AOX1: variants seen among roughly 807,000 people sequenced by gnomAD.
AOX1 encodes aldehyde oxidase 1, also known as aldehyde oxidase.
In AOX1, 153 loss-of-function variants were observed where a neutral mutation model predicts 169.5. The ratio of observed to expected loss-of-function variants is 0.90; its 90% CI spans 0.79 to 1.03. AOX1 has a LOEUF of 1.03. Ranked by LOEUF, AOX1 falls within the 50% of genes least tolerant of loss-of-function variation. The pLI is 0.00. For missense variants in AOX1, 1,656 were observed against 1,663.9 expected, an observed-to-expected ratio of 1.00 and a Z score of 0.08; for synonymous variants, 562 against 581.9, an observed-to-expected ratio of 0.97 and a Z score of 0.49.
intron 19 of AOX1, among the ~76,000 whole-genome samples, chr2:200,626,939 G>A (rs943820696): frequency 3.3e-5 from 5 of 152,202 alleles, no homozygotes; most frequent in African/African-American, 1.2e-4. Flanking sequence ...GAAGTGATAG[G>A]CCCACAGTCA....
intron 21 of AOX1, 78 bp from the exon 22 acceptor site, chr2:200,636,833 A>G: frequency 6.6e-7 from 1 of 1,509,244 alleles, no homozygotes; most frequent in Non-Finnish European, 9.0e-7. Context: ...TGTTAAAATC[A>G]TAGATGTGAC....
downstream of AOX1, among the ~76,000 whole-genome samples, chr2:200,674,818 C>CG (rs1292065485): frequency 6.6e-6 from 1 of 152,196 alleles, no homozygotes; most frequent in African/African-American, 2.4e-5. Flanking sequence ...ATTGACTACA[C>CG]TGAACCCTTT....
chr2:200,592,752 T>G (rs1435830664), intron 1 of AOX1, among the ~76,000 whole-genome samples: 2 of 152,192 alleles, frequency 1.3e-5, no homozygotes, highest in African/African-American at 4.8e-5. Flanking sequence ...CAGAGGCTAT[T>G]CTATTCCAGC....
At chr2:200,651,261 G>T (rs759381800) in intron 26 of AOX1, 60 bp downstream of exon 26, 102 of 1,479,652 alleles carry the variant, frequency 6.9e-5, no homozygotes, top group Admixed American at 1.9e-4. Flanking sequence ...AAAGCAAGAG[G>T]TGTTGAGGAA....
chr2:200,604,977 G>A, intron 9 of AOX1, 137 bp downstream of exon 9: 1 of 770,700 alleles, frequency 1.3e-6, no homozygotes, highest in Non-Finnish European at 2.1e-6. Context: ...AATCATTTGA[G>A]CTAGACTTCC....
chr2:200,656,287 G>A (rs1036217958), intron 26 of AOX1, among the ~76,000 whole-genome samples: 9 of 146,840 alleles, frequency 6.1e-5, no homozygotes, highest in Admixed American at 4.8e-4. Context: ...AGGCAGATAC[G>A]CAAGAAGGCA....
intron 25 of AOX1, among the ~76,000 whole-genome samples, chr2:200,645,953 T>G (rs969155369): frequency 6.6e-6 from 1 of 152,148 alleles, no homozygotes; most frequent in Admixed American, 6.5e-5. Flanking sequence ...TTTGGATTTT[T>G]ACTCTTCTTT....
At chr2:200,675,240 G>A (rs914944077), downstream of AOX1, among the ~76,000 whole-genome samples, 11 of 152,130 alleles carry the variant, frequency 7.2e-5, no homozygotes, top group Admixed American at 3.9e-4. Context: ...GGATAGCTGG[G>A]CATTTATAAC....
downstream of AOX1, among the ~76,000 whole-genome samples, chr2:200,674,823 C>T (rs1467100660): frequency 5.9e-5 from 9 of 152,208 alleles, no homozygotes; most frequent in Non-Finnish European, 1.0e-4. Context: ...CTACACTGAA[C>T]CCTTTCCATT....
Position 200,609,019 on chromosome 2 carries a change from G to C in AOX1, c.943G>C (p.Val315Leu). The change falls in exon 11 of 35, where the codon GTG becomes CTG. Residue 315 changes from valine to leucine, a missense_variant. Physicochemically the swap from Val to Leu is conservative, Grantham distance 32 (BLOSUM62 1). Coordinates refer to ENST00000374700, the MANE Select transcript of AOX1 (RefSeq NM_001159.4). ...TLGAGLSLAQVKDILADVVQK... is the reference protein window; with the variant it reads ...TLGAGLSLAQLKDILADVVQK... ...TGGTGCTGGTCTCAGCCTAGCCCAG[G>C]TGAAGGACATTTTGGCTGATGTAGT... The C allele has an allele frequency of 1.2e-6, 2 of 1,614,074 alleles. No homozygotes were observed. The highest frequency in any genetic ancestry group is 2.2e-5 in the South Asian group (2 of 91,080).
chr2:200,587,138 CAA>C (rs370741447), intron 1 of AOX1, among the ~76,000 whole-genome samples: 1 of 150,178 alleles, frequency 6.7e-6, no homozygotes, highest in African/African-American at 2.5e-5. Flanking sequence ...ACAACAACAA[CAA>C]AAAAAAACCG....
At chr2:200,643,398 C>CACACATAT (rs142362161) in intron 25 of AOX1, among the ~76,000 whole-genome samples, 9 of 148,794 alleles carry the variant, frequency 6.0e-5, no homozygotes, top group African/African-American at 2.2e-4. Context: ...CACACACACA[C>CACACATAT]ATATATATAT....
chr2:200,586,949 C>G (rs1015546554), intron 1 of AOX1, among the ~76,000 whole-genome samples: 2 of 152,150 alleles, frequency 1.3e-5, no homozygotes, highest in East Asian at 3.9e-4. Flanking sequence ...TGACATTACT[C>G]TGAAGGAGGA....
intron 26 of AOX1, among the ~76,000 whole-genome samples, chr2:200,655,962 T>C (rs1008773176): frequency 2.6e-5 from 4 of 152,240 alleles, no homozygotes; most frequent in Admixed American, 1.3e-4. Flanking sequence ...TAAGTTGACA[T>C]TGGCTTATTA....
Position 200,642,727 on chromosome 2 carries a change from T to C in AOX1, c.2773T>C (p.Phe925Leu), listed in dbSNP as rs777649675. The C allele has an allele frequency of 6.2e-7, 1 of 1,614,138 alleles. No individual in the cohort carries two copies. Among genetic ancestry groups the C allele is most frequent in the Non-Finnish European group, 8.5e-7 (1 of 1,180,002 alleles). ...PSNTAFRGFG[F>L]PQAALITESC... is the part of the protein sequence containing the mutation. ...CAACACAGCTTTTCGTGGGTTTGGC[T>C]TTCCTCAGGCAGCGCTGATCACCGA... Residue 925 changes from phenylalanine (F) to leucine (L), a missense_variant, in exon 25 of 35, where the codon TTT becomes CTT. Transcript: ENST00000374700.
intron 19 of AOX1, among the ~76,000 whole-genome samples, chr2:200,624,295 A>G (rs916401585): frequency 1.3e-5 from 2 of 152,154 alleles, no homozygotes; most frequent in African/African-American, 4.8e-5. Flanking sequence ...TCTAAGCACA[A>G]ATCCTGAGAT....
At position 200,615,622 on chromosome 2, in the gene AOX1, A is replaced by G. The variant is rs538969187; in HGVS notation, c.1612-349A>G. Among the ~76,000 whole-genome samples, 87 of 152,098 alleles carry G rather than the reference A, an allele frequency of 5.7e-4. 1 individual carries two copies. The highest frequency in any genetic ancestry group is 1.9e-3 in the African/African-American group (79 of 41,494). On this transcript the variant is annotated intron_variant, in intron 15 of 34. Transcript: ENST00000374700. ...TGGCTTAAGTATTTTCTTCCTTTCTATTTTATTTACTTAGCTTCTATCTTC... is the reference window on the plus strand; with the variant it reads ...TGGCTTAAGTATTTTCTTCCTTTCTGTTTTATTTACTTAGCTTCTATCTTC...
intron 18 of AOX1, 145 bp from the exon 19 acceptor site, chr2:200,623,716 C>A (rs1182435895): frequency 7.9e-7 from 1 of 1,268,852 alleles, no homozygotes; most frequent in East Asian, 2.4e-5. Context: ...TGGTTATAGT[C>A]ATGGACAGAT....
chr2:200,648,553 G>A (rs950182497), intron 25 of AOX1, among the ~76,000 whole-genome samples: 10 of 152,326 alleles, frequency 6.6e-5, no homozygotes, highest in Non-Finnish European at 1.3e-4. Flanking sequence ...CTCTATTTTT[G>A]TGCTGGTTGG....
Sources: gnomAD v4.1 joint callset for allele counts (sites outside exome capture counted in the v4.1 genomes callset) on GRCh38, gnomAD v4.1.1 for gene constraint, MANE v1.5 for transcripts, NCBI Gene and HGNC (gene_info 2026-07-23, HGNC 2026-07-21) for gene names.